Variants in HNRNPA3 observed in about 807,000 individuals in gnomAD.
HNRNPA3 encodes the protein epididymis secretory sperm binding protein.
A neutral mutation model predicts 45.8 loss-of-function variants in HNRNPA3; 3 were observed. The observed-to-expected ratio is 0.07, with a 90% confidence interval of 0.03 to 0.17. The LOEUF (loss-of-function observed/expected upper bound fraction) is 0.17. Ranked by LOEUF, HNRNPA3 falls within the 10% of genes least tolerant of loss-of-function variation. The pLI is 1.00. For synonymous variants in HNRNPA3, 170 were observed against 155.6 expected (o/e 1.09, Z -0.69); for missense variants, 183 against 480.3 (o/e 0.38, Z 5.79).
At chr2:177,215,398 G>C in intron 1 of HNRNPA3, 141 bp from the exon 2 acceptor site, 2 of 879,888 alleles carry the variant, frequency 2.3e-6, no homozygotes, top group Non-Finnish European at 1.8e-6. Context: ...CCGGTGTCTG[G>C]TCAAAGTTTT....
At chr2:177,214,553 T>A (rs1248039994) in intron 1 of HNRNPA3, among the ~76,000 whole-genome samples, 1 of 152,190 alleles carries the variant, frequency 6.6e-6, no homozygotes, top group East Asian at 1.9e-4. Context: ...TCTAGCACTT[T>A]GGGAGGCCGA....
intron 1 of HNRNPA3, among the ~76,000 whole-genome samples, chr2:177,213,441 G>T (rs529419161): frequency 6.6e-6 from 1 of 152,362 alleles, no homozygotes; most frequent in East Asian, 1.9e-4. Context: ...CTGAAGTTCT[G>T]CCGACGCTTT....
intron 7 of HNRNPA3, among the ~76,000 whole-genome samples, 198 bp from the exon 8 acceptor site, chr2:177,217,507 A>G (rs773135436): frequency 6.6e-6 from 1 of 152,220 alleles, no homozygotes; most frequent in Non-Finnish European, 1.5e-5. Context: ...GCACATGCCC[A>G]TAGTCTAGCT....
At chr2:177,213,501 T>C (rs144241491) in intron 1 of HNRNPA3, among the ~76,000 whole-genome samples, 26 of 152,378 alleles carry the variant, frequency 1.7e-4, no homozygotes, top group East Asian at 1.2e-3. Context: ...ATTGGCCTTT[T>C]CTTTTTTTCG....
chr2:177,222,615 G>T (rs1689231443), downstream of HNRNPA3: 1 of 152,290 alleles, frequency 6.6e-6, no homozygotes, highest in African/African-American at 2.4e-5. Flanking sequence ...AGACGAGCCT[G>T]GGCAACATAG....
intron 7 of HNRNPA3, 101 bp from the exon 8 acceptor site, chr2:177,217,604 G>T: frequency 7.0e-7 from 1 of 1,437,920 alleles, no homozygotes; most frequent in Non-Finnish European, 9.8e-7. Flanking sequence ...TTGAGCCCGG[G>T]CAACAGAGCA....
exon 9 of HNRNPA3, chr2:177,219,147 A>G (rs1264633927): frequency 1.9e-6 from 3 of 1,614,158 alleles, no homozygotes; most frequent in South Asian, 2.2e-5. Flanking sequence ...AAGCTCGGGC[A>G]GTCCCTATGG....
At chr2:177,216,470 C>T (rs1688943836) in intron 4 of HNRNPA3, 33 bp from the exon 5 acceptor site, 2 of 1,500,808 alleles carry the variant, frequency 1.3e-6, no homozygotes, top group Admixed American at 1.7e-5. Flanking sequence ...CATAAAATAA[C>T]TTTTTGTTTT....
chr2:177,217,120 T>C (rs945406739), intron 7 of HNRNPA3, among the ~76,000 whole-genome samples, 180 bp downstream of exon 7: 83 of 152,358 alleles, frequency 5.4e-4, no homozygotes, highest in African/African-American at 1.9e-3. Flanking sequence ...TAGCTGCTCT[T>C]TTTCAGCAAG....
At chr2:177,217,587 A>G (rs1179100818) in intron 7 of HNRNPA3, 118 bp from the exon 8 acceptor site, 2 of 1,226,544 alleles carry the variant, frequency 1.6e-6, no homozygotes, top group Non-Finnish European at 2.4e-6. Flanking sequence ...TGGTTGCACC[A>G]CTGTACTTGA....
At chr2:177,215,689 C>T in intron 2 of HNRNPA3, 28 bp downstream of exon 2, 1 of 1,613,604 alleles carries the variant, frequency 6.2e-7, no homozygotes, top group South Asian at 1.1e-5. Context: ...CAGAAGGGTT[C>T]TAAGGGGTGT....
At chr2:177,222,633 C>T, downstream of HNRNPA3, 1 of 152,208 alleles carries the variant, frequency 6.6e-6, no homozygotes, top group Non-Finnish European at 1.5e-5. Flanking sequence ...TAGTGAGAGC[C>T]TGTCAACAAA....
chr2:177,219,414 G>A, exon 11 of HNRNPA3: 1 of 868,552 alleles, frequency 1.2e-6, no homozygotes, highest in Non-Finnish European at 1.7e-6. Context: ...ACAGGCTACA[G>A]TTCTTAGCAG....
At chr2:177,219,012 A>T (rs1483862126) in intron 8 of HNRNPA3, 25 bp from the exon 9 acceptor site, 1 of 1,609,058 alleles carries the variant, frequency 6.2e-7, no homozygotes, top group Admixed American at 1.7e-5. Flanking sequence ...TAGGTAAACC[A>T]CACATAAAAC....
intron 8 of HNRNPA3, 96 bp downstream of exon 8, chr2:177,217,941 A>G (rs1333014133): frequency 2.5e-6 from 3 of 1,215,630 alleles, no homozygotes; most frequent in Admixed American, 2.7e-5. Flanking sequence ...CGTTTGATCA[A>G]ATTTTATGTT....
At chr2:177,216,907 G>C (rs779650735) in exon 7 of HNRNPA3, 1 of 1,587,048 alleles carries the variant, frequency 6.3e-7, no homozygotes, top group African/African-American at 1.4e-5. Context: ...TTATGGAGGA[G>C]GTGATGGTGG....
chr2:177,220,532 T>G (rs1395980928), downstream of HNRNPA3: 1 of 153,070 alleles, frequency 6.5e-6, no homozygotes, highest in Non-Finnish European at 1.5e-5. Flanking sequence ...ATTAAACCCC[T>G]AACTGGCTGG....
chr2:177,220,056 T>C (rs1689123946), exon 11 of HNRNPA3: 1 of 152,736 alleles, frequency 6.5e-6, no homozygotes, highest in Middle Eastern at 3.4e-3. Flanking sequence ...ATAAATAGGA[T>C]TGGGTATTTA....
intron 8 of HNRNPA3, 64 bp downstream of exon 8, chr2:177,217,909 C>T: frequency 1.4e-6 from 2 of 1,390,196 alleles, no homozygotes; most frequent in East Asian, 2.4e-5. Flanking sequence ...TCCCATGACA[C>T]ATATTTGGAA....
Sources: gnomAD v4.1 joint callset for allele counts (sites outside exome capture counted in the v4.1 genomes callset) on GRCh38, gnomAD v4.1.1 for gene constraint, MANE v1.5 for transcripts, NCBI Gene and HGNC (gene_info 2026-07-23, HGNC 2026-07-21) for gene names.